The following LRRN4 variants were observed in gnomAD, a reference collection of about 807,000 sequenced individuals.
LRRN4 encodes the protein leucine-rich repeat neuronal protein 4.
A neutral mutation model predicts 22.3 loss-of-function variants in LRRN4; 26 were observed. That is an observed-to-expected ratio of 1.16 (90% CI 0.85 to 1.62). The LOEUF (loss-of-function observed/expected upper bound fraction) is 1.62, where lower values mean the gene tolerates loss of function less well. LRRN4 is among the 40% of genes most tolerant of loss of function. The probability of loss-of-function intolerance (pLI) is 0.00; values close to 1 mark genes in which losing one functional copy is unlikely to be tolerated. For missense variants in LRRN4, 1,070 were observed against 1,008.5 expected (o/e 1.06, Z -0.83); for synonymous variants, 496 against 486.2 (o/e 1.02, Z -0.26).
Position 6,052,784 on chromosome 20 carries a change from G to C in LRRN4, c.16C>G (p.Pro6Ala). 18 of 1,571,852 alleles carry C rather than the reference G, an allele frequency of 1.1e-5. No homozygotes were observed. Among genetic ancestry groups the C allele is most frequent in the Non-Finnish European group, 1.5e-5 (18 of 1,166,562 alleles). ...CGCAGCACCGTCAGCAGCAGCAGCG[G>C]TAGGGTTTGCCGCATGGCGTCTGGG... is the stretch of plus-strand genomic sequence containing the variant. Reference protein sequence around the residue: MRQTLPLLLLTVLRPS... With the variant: MRQTLALLLLTVLRPS... Residue 6 changes from proline to alanine, a missense_variant, in exon 2 of 5, where the codon CCG (proline) becomes GCG (alanine). Transcript: ENST00000378858.
At position 6,049,363 on chromosome 20, in the gene LRRN4, C is replaced by T. The variant is rs150280629; in HGVS notation, c.860+1416G>A. On this transcript the variant is annotated intron_variant, in intron 3 of 4. Coordinates refer to ENST00000378858, the MANE Select transcript of LRRN4 (RefSeq NM_152611.5). Reference sequence around the variant, plus strand: ...TCTGCTACCTATACTGAACTGTGAGCTCCCTGAAAGCAGTGGCCATGTTGT... The same window carrying T: ...TCTGCTACCTATACTGAACTGTGAGTTCCCTGAAAGCAGTGGCCATGTTGT... Among the ~76,000 whole-genome samples the T allele has an allele frequency of 8.1e-3, 1,235 of 152,308 alleles. 10 individuals are homozygous for T. Among genetic ancestry groups the T allele is most frequent in the South Asian group, 0.023 (110 of 4,826 alleles).
At chr20:6,047,614 G>A (rs952269070) in intron 3 of LRRN4, among the ~76,000 whole-genome samples, 3 of 147,342 alleles carry the variant, frequency 2.0e-5, no homozygotes, top group Admixed American at 1.4e-4. Flanking sequence ...ATGAAACCCC[G>A]TCTTAACTAA....
rs529015682 is a variant in LRRN4 at position 6,040,642 on chromosome 20, T to C, written c.*380A>G. On this transcript the variant is annotated 3_prime_UTR_variant, in exon 5 of 5. Transcript: ENST00000378858. ...TGGAAAGACCTGAGGATGTGATTTC[T>C]AACATGATCAAAGAGGCTGGGTTAT... is the stretch of plus-strand genomic sequence containing the variant. 126 of 187,526 alleles carry C rather than the reference T, an allele frequency of 6.7e-4. 2 individuals are homozygous for C. The highest frequency in any genetic ancestry group is 2.8e-3 in the African/African-American group (120 of 42,202). 11.6% of individuals were successfully genotyped at this position (187,526 alleles called of 1,614,324 possible). A position where few individuals can be genotyped will look rare whatever the true frequency, so the allele number is the denominator to read the frequency against.
Position 6,040,819 on chromosome 20 carries a change from G to A in LRRN4, c.*203C>T. 1.5e-6 allele frequency: 1 copy of A among 682,746 alleles called. No homozygotes were observed. Among genetic ancestry groups the A allele is most frequent in the Non-Finnish European group, 2.4e-6 (1 of 416,856 alleles). The allele number at this position is 682,746 out of a possible 1,614,324, so 42.3% of individuals were successfully genotyped here. A position where few individuals can be genotyped will look rare whatever the true frequency, so the allele number is the denominator to read the frequency against. On this transcript the variant is annotated 3_prime_UTR_variant, in exon 5 of 5. Coordinates refer to ENST00000378858, the MANE Select transcript of LRRN4 (RefSeq NM_152611.5). ...CTGGCATTGACCATCAGGTTTCTGGGAACAGAGTTAAGTAGAAGGAAGGGA... is the reference window on the plus strand; with the variant it reads ...CTGGCATTGACCATCAGGTTTCTGGAAACAGAGTTAAGTAGAAGGAAGGGA...
At position 6,041,767 on chromosome 20, in the gene LRRN4, C is replaced by T; in HGVS notation, c.1478G>A (p.Ser493Asn). The T allele has an allele frequency of 1.2e-6, 2 of 1,614,062 alleles. No homozygotes were observed. Among genetic ancestry groups the T allele is most frequent in the Admixed American group, 1.7e-5 (1 of 60,018 alleles). Reference protein sequence around the residue: ...LGPFPTSWDRSISSPQPGQRT... With the variant: ...LGPFPTSWDRNISSPQPGQRT... ...CTGGCCGGGCTGAGGCGAGCTTATG[C>T]TGCGGTCCCACGAGGTAGGGAAGGG... Residue 493 changes from serine (S) to asparagine (N), a missense_variant, in exon 5 of 5, where the codon AGC (serine) becomes AAC (asparagine). Ser to Asn is a conservative substitution (Grantham distance 46). Transcript: ENST00000378858. This position sits in a 1 kb window ranked among gnomAD's most constrained non-coding sequence, Gnocchi z 9.4.
intron 4 of LRRN4, 139 bp from the exon 5 acceptor site, chr20:6,042,385 C>G: frequency 1.1e-6 from 1 of 897,216 alleles, no homozygotes; most frequent in Non-Finnish European, 1.6e-6. Context: ...GCACACACGC[C>G]GCACACACAC....
intron 3 of LRRN4, among the ~76,000 whole-genome samples, chr20:6,046,925 A>G (rs1981113429): frequency 6.6e-6 from 1 of 151,854 alleles, no homozygotes; most frequent in African/African-American, 2.4e-5. Flanking sequence ...TGGAAAGGAA[A>G]TGCTTTTCTT....
chr20:6,050,217 C>T (rs1414027005), intron 3 of LRRN4, among the ~76,000 whole-genome samples: 1 of 152,154 alleles, frequency 6.6e-6, no homozygotes, highest in Non-Finnish European at 1.5e-5. Flanking sequence ...TGCTCAATAG[C>T]TATTTATTGA....
chr20:6,052,673 C>G lies in LRRN4; in HGVS notation c.127G>C (p.Ala43Pro), dbSNP rs757705594. 23 of 1,577,806 alleles carry G rather than the reference C, an allele frequency of 1.5e-5. 1 individual carries two copies. In the Middle Eastern group the frequency reaches 6.6e-4, roughly 45 times the overall value. The change falls in exon 2 of 5, where the codon GCC becomes CCC. Residue 43 changes from alanine (A) to proline (P), a missense_variant. Physicochemically the swap from Ala to Pro is conservative, Grantham distance 27. Coordinates refer to ENST00000378858, the MANE Select transcript of LRRN4 (RefSeq NM_152611.5). The stretch of plus-strand genomic sequence containing the variant: ...AGCCCCTCGCAGGGCGAGTCGGTGG[C>G]GTTGCTGCCACTGCTCCCCCAGGGG... ...QGPWGSSGSN[A>P]TDSPCEGLPA...
At position 6,052,732 on chromosome 20, in the gene LRRN4, T is replaced by C; in HGVS notation, c.68A>G (p.Glu23Gly). 1 of 1,571,544 alleles carries C rather than the reference T, an allele frequency of 6.4e-7. No homozygotes were observed. Among genetic ancestry groups the C allele is most frequent in the Non-Finnish European group, 8.6e-7 (1 of 1,166,244 alleles). Residue 23 changes from glutamate (E) to glycine (G), a missense_variant, in exon 2 of 5, where the codon GAG (glutamate) becomes GGG (glycine). Glu to Gly is a moderately conservative substitution (Grantham distance 98). Transcript: ENST00000378858. ...AGTGACCCGGAAGAGCGGGACCTTC[T>C]CCTGGGGAGGGTCTGCCCAGCTGGG... is the stretch of plus-strand genomic sequence containing the variant. ...LRPSWADPPQ[E>G]KVPLFRVTQQ...
At position 6,048,695 on chromosome 20, in the gene LRRN4, C is replaced by G. The variant is rs556769920; in HGVS notation, c.860+2084G>C. On this transcript the variant is annotated intron_variant, in intron 3 of 4. Transcript: ENST00000378858. ...ACAGGTTCGTGTTATTATTACTGAACATTTCCCCTGGATGCCTCATAGATC... is the reference window on the plus strand; with the variant it reads ...ACAGGTTCGTGTTATTATTACTGAAGATTTCCCCTGGATGCCTCATAGATC... Among the ~76,000 whole-genome samples the G allele has an allele frequency of 1.6e-4, 25 of 152,310 alleles. No homozygotes were observed. The East Asian group carries it at 4.2e-3, about 26-fold the overall frequency.
At chr20:6,044,434 C>A in intron 4 of LRRN4, 109 bp downstream of exon 4, 5 of 1,176,652 alleles carry the variant, frequency 4.2e-6, no homozygotes, top group Non-Finnish European at 5.5e-6. Flanking sequence ...CCCAGCCCAA[C>A]ATGGCCAAAG....
Position 6,041,841 on chromosome 20 carries a change from C to G in LRRN4, c.1404G>C (p.Glu468Asp), listed in dbSNP as rs1980965121. 6.2e-7 allele frequency: 1 copy of G among 1,614,038 alleles called. No individual in the cohort carries two copies. ...GGGTGGAGGCAGCTGAGATATCAGG[C>G]TCAAGGACAAGCTCGGGGGCATGTT... Reference protein sequence around the residue: ...RGEHAPELVLEPDISAASTPL... With the variant: ...RGEHAPELVLDPDISAASTPL... The change falls in exon 5 of 5, where the codon GAG (glutamate) becomes GAC (aspartate). Residue 468 changes from glutamate (E) to aspartate (D), a missense_variant. Physicochemically the swap from Glu to Asp is conservative, Grantham distance 45. Coordinates refer to ENST00000378858, the MANE Select transcript of LRRN4 (RefSeq NM_152611.5). This position sits in a 1 kb window ranked among gnomAD's most constrained non-coding sequence, Gnocchi z 9.4.
At position 6,052,803 on chromosome 20, in the gene LRRN4, G is replaced by A. The variant is rs1464517682; in HGVS notation, c.-4C>T. 7.0e-6 allele frequency: 11 copies of A among 1,561,500 alleles called. No homozygotes were observed. The highest frequency in any genetic ancestry group is 8.6e-6 in the Non-Finnish European group (10 of 1,161,012). On this transcript the variant is annotated splice_region_variant and 5_prime_UTR_variant, in exon 2 of 5. In the 5' UTR this introduces an upstream ATG that the reference lacks. Coordinates refer to ENST00000378858, the MANE Select transcript of LRRN4 (RefSeq NM_152611.5). ...GCAGCGGTAGGGTTTGCCGCATGGC[G>A]TCTGGGGAGAGAACAGCAGGACGCC...
rs1245395637 is a variant in LRRN4, at chr20:6,052,609, C to T, written c.191G>A (p.Arg64His). Reference protein sequence around the residue: ...ADATALTLANRNLERLPGCLP... With the variant: ...ADATALTLANHNLERLPGCLP... ...GCAGCCGGGCAGGCGCTCCAGGTTG[C>T]GGTTCGCCAGGGTCAAGGCCGTCGC... Residue 64 changes from arginine (R) to histidine (H), a missense_variant, in exon 2 of 5, where the codon CGC (arginine) becomes CAC (histidine). By Grantham distance (29) the Arg-to-His change is conservative (BLOSUM62 0). Coordinates refer to ENST00000378858, the MANE Select transcript of LRRN4 (RefSeq NM_152611.5). 1.3e-6 allele frequency: 2 copies of T among 1,587,548 alleles called. No homozygotes were observed. Among genetic ancestry groups the T allele is most frequent in the Admixed American group, 1.7e-5 (1 of 58,190 alleles).
At chr20:6,044,089 C>G (rs768593127) in intron 4 of LRRN4, among the ~76,000 whole-genome samples, 6 of 152,224 alleles carry the variant, frequency 3.9e-5, no homozygotes, top group Non-Finnish European at 5.9e-5. Flanking sequence ...AAAAACAGCT[C>G]TTTCTAGCCA....
At chr20:6,046,709 G>T (rs932073860) in intron 3 of LRRN4, among the ~76,000 whole-genome samples, 1 of 148,952 alleles carries the variant, frequency 6.7e-6, no homozygotes, top group Non-Finnish European at 1.5e-5. Context: ...ACCCACATCT[G>T]CTCTATCACT....
At position 6,041,083 on chromosome 20, in the gene LRRN4, A is replaced by G. The variant is rs921743162; in HGVS notation, c.2162T>C (p.Leu721Pro). 3.1e-6 allele frequency: 5 copies of G among 1,613,710 alleles called. No homozygotes were observed. In the African/African-American group the frequency reaches 6.7e-5, roughly 22 times the overall value. The change falls in exon 5 of 5, where the codon CTG becomes CCG. Residue 721 changes from leucine (L) to proline (P), a missense_variant. Transcript: ENST00000378858. This position sits in a 1 kb window ranked among gnomAD's most constrained non-coding sequence, Gnocchi z 9.4. ...TLGLQRCDTH[L>P]VAYKNPAFDD... is the part of the protein sequence containing the mutation. ...AAAGGCCGGGTTTTTGTAGGCCACC[A>G]GGTGCGTGTCGCAGCGCTGCAGGCC...
chr20:6,047,983 CT>C (rs759657479), intron 3 of LRRN4, among the ~76,000 whole-genome samples: 1 of 152,018 alleles, frequency 6.6e-6, no homozygotes, highest in Non-Finnish European at 1.5e-5. Context: ...GGGAAGGGGG[CT>C]GGCACAGGGG....
Sources: gnomAD v4.1 joint callset for allele counts (sites outside exome capture counted in the v4.1 genomes callset) on GRCh38, gnomAD v4.1.1 for gene constraint, Gnocchi (gnomAD v3.1) non-coding constraint, MANE v1.5 for transcripts, NCBI Gene and HGNC (gene_info 2026-07-23, HGNC 2026-07-21) for gene names.